TUBGCP5: variants seen among roughly 807,000 people sequenced by gnomAD.
The protein encoded by TUBGCP5 is gamma-tubulin complex component 5.
In TUBGCP5, 98 loss-of-function variants were observed where a neutral mutation model predicts 134.7. The observed-to-expected ratio is 0.73, with a 90% CI of 0.62 to 0.86. The LOEUF is 0.86. TUBGCP5 is among the 40% of genes least tolerant of loss of function. The probability of loss-of-function intolerance (pLI) is 0.00; values close to 1 mark genes in which losing one functional copy is unlikely to be tolerated. For missense variants in TUBGCP5, 1,150 were observed against 1,244.8 expected, an observed-to-expected ratio of 0.92 and a Z score of 1.15; for synonymous variants, 456 against 431.4, an observed-to-expected ratio of 1.06 and a Z score of -0.71.
intron 23 of TUBGCP5, among the ~76,000 whole-genome samples, chr15:22,990,473 A>T (rs2063813506): frequency 1.3e-5 from 2 of 152,236 alleles, no homozygotes; most frequent in Non-Finnish European, 2.9e-5. Context: ...CAGCAAGGAA[A>T]GGTGAGAAAG....
At chr15:23,039,118 T>G (rs2066765314) in intron 1 of TUBGCP5, among the ~76,000 whole-genome samples, 1 of 151,716 alleles carries the variant, frequency 6.6e-6, no homozygotes, top group African/African-American at 2.4e-5. Context: ...AGCGCTGGGG[T>G]TGCAGGCGCG....
At position 22,985,814 on chromosome 15, in the gene TUBGCP5, G is replaced by A. The variant is rs576435377; in HGVS notation, c.*62-2203C>T. Among the ~76,000 whole-genome samples, 403 of 151,532 alleles carry A rather than the reference G, an allele frequency of 2.7e-3. 2 individuals carry two copies. The highest frequency in any genetic ancestry group is 0.017 in the South Asian group (83 of 4,772). ...CCTGCCACTGCACTCCAGCCTGGGC[G>A]ACAGAGTGAGACTCCATCTCAAAAA... On this transcript the variant is annotated intron_variant and NMD_transcript_variant, in intron 23 of 23. Transcript: ENST00000614508.
At chr15:23,007,959 T>C (rs935081419) in intron 16 of TUBGCP5, among the ~76,000 whole-genome samples, 4 of 152,078 alleles carry the variant, frequency 2.6e-5, no homozygotes, top group Non-Finnish European at 4.4e-5. Flanking sequence ...AGGGGCATTC[T>C]CTAGGAGGCA....
Position 23,021,433 on chromosome 15 carries a change from C to T in TUBGCP5, c.1371+526G>A, listed in dbSNP as rs140451889. On this transcript the variant is annotated intron_variant, in intron 11 of 22. Coordinates refer to ENST00000615383, the MANE Select transcript of TUBGCP5 (RefSeq NM_052903.6). ...CTGGGCTCAATCAATCCTCCTGCCT[C>T]GGCCTCCCAAAGTGTTGGGATTACA... Among the ~76,000 whole-genome samples the T allele has an allele frequency of 1.0e-3, 156 of 152,308 alleles. 2 individuals are homozygous for T. In the East Asian group the frequency reaches 0.024, roughly 23 times the overall value.
At chr15:23,017,633 C>G (rs1048774369) in intron 13 of TUBGCP5, 140 bp downstream of exon 13, 1 of 814,206 alleles carries the variant, frequency 1.2e-6, no homozygotes, top group African/African-American at 1.7e-5. Context: ...GTTACTAATT[C>G]AACCATGACG....
In TUBGCP5 at chr15:23,039,457, G is replaced by T; in HGVS notation, c.87C>A (p.Leu29=). The T allele has an allele frequency of 6.5e-7, 1 of 1,548,458 alleles. No homozygotes were observed. Among genetic ancestry groups the T allele is most frequent in the Non-Finnish European group, 8.7e-7 (1 of 1,144,982 alleles). Residue 29 remains leucine, a synonymous_variant, in exon 1 of 23, where the codon CTC becomes CTA. Transcript: ENST00000615383. ...VRELVRGVAG[L]QDEADPNFQL... is the part of the protein sequence containing the mutation. ...GGAAGTTGGGGTCTGCCTCGTCCTG[G>T]AGGCCGGCGACACCCCGGACGAGCT...
chr15:23,027,794 C>T (rs2066064267), intron 6 of TUBGCP5, among the ~76,000 whole-genome samples: 1 of 149,984 alleles, frequency 6.7e-6, no homozygotes, highest in Non-Finnish European at 1.5e-5. Context: ...GAAACGCATA[C>T]TAAATTTAAT....
chr15:23,003,646 T>G (rs1279497546), intron 20 of TUBGCP5, among the ~76,000 whole-genome samples: 10 of 146,248 alleles, frequency 6.8e-5, no homozygotes, highest in African/African-American at 2.0e-4. Flanking sequence ...TTTTTTTTTT[T>G]TTTTTTTTTT....
chr15:22,984,315 A>G (rs562162564), intron 23 of TUBGCP5, among the ~76,000 whole-genome samples: 1 of 152,080 alleles, frequency 6.6e-6, no homozygotes, highest in Non-Finnish European at 1.5e-5. Context: ...AAGGACTTCC[A>G]TGGAGAAAGA....
chr15:23,008,024 C>T (rs1024879323), intron 16 of TUBGCP5, among the ~76,000 whole-genome samples: 4 of 152,126 alleles, frequency 2.6e-5, no homozygotes, highest in Admixed American at 2.6e-4. Context: ...TGACTCCAGC[C>T]ATGTGAAGGA....
intron 23 of TUBGCP5, among the ~76,000 whole-genome samples, chr15:22,991,639 T>G (rs2063849312): frequency 6.6e-6 from 1 of 152,198 alleles, no homozygotes; most frequent in Non-Finnish European, 1.5e-5. Context: ...CACTACTGCC[T>G]TCTTCTTGTC....
intron 23 of TUBGCP5, among the ~76,000 whole-genome samples, chr15:22,986,621 C>G (rs573570518): frequency 2.6e-5 from 4 of 151,936 alleles, no homozygotes; most frequent in African/African-American, 4.8e-5. Flanking sequence ...GCCTGTAATC[C>G]TAGCTACTCA....
chr15:23,019,893 A>T (rs893281824), intron 11 of TUBGCP5, among the ~76,000 whole-genome samples: 1 of 152,200 alleles, frequency 6.6e-6, no homozygotes, highest in Admixed American at 6.5e-5. Flanking sequence ...AGTGAAAGTG[A>T]CACAGAGGCA....
intron 5 of TUBGCP5, 105 bp from the exon 6 acceptor site, chr15:23,031,125 C>T (rs748492548): frequency 8.3e-7 from 1 of 1,205,964 alleles, no homozygotes; most frequent in African/African-American, 1.5e-5. Context: ...AACTTTGAAG[C>T]AACATGGAAC....
At chr15:23,011,597 C>T (rs1051772291) in intron 13 of TUBGCP5, among the ~76,000 whole-genome samples, 1 of 149,452 alleles carries the variant, frequency 6.7e-6, no homozygotes, top group Non-Finnish European at 1.5e-5. Context: ...CTCCGCCTCC[C>T]GGGTTCAAAC....
intron 23 of TUBGCP5, among the ~76,000 whole-genome samples, chr15:22,991,808 A>G (rs1026207543): frequency 6.6e-6 from 1 of 152,190 alleles, no homozygotes; most frequent in Non-Finnish European, 1.5e-5. Flanking sequence ...AAGGTTAGGG[A>G]AGTGTAACAA....
At chr15:23,027,007 G>A (rs1417045233) in intron 7 of TUBGCP5, among the ~76,000 whole-genome samples, 185 bp downstream of exon 7, 1 of 152,030 alleles carries the variant, frequency 6.6e-6, no homozygotes, top group African/African-American at 2.4e-5. Context: ...AGTGAGCTGA[G>A]ATCTGACCAC....
At chr15:23,016,201 C>G (rs2065304149) in intron 13 of TUBGCP5, among the ~76,000 whole-genome samples, 1 of 152,106 alleles carries the variant, frequency 6.6e-6, no homozygotes, top group African/African-American at 2.4e-5. Context: ...TGAAAGAATT[C>G]AATGAATGAG....
chr15:23,033,519 C>T (rs1273804771), intron 3 of TUBGCP5, among the ~76,000 whole-genome samples: 4 of 152,156 alleles, frequency 2.6e-5, no homozygotes, highest in African/African-American at 9.7e-5. Flanking sequence ...CCTCATGATC[C>T]GCCCACCTTG....
Sources: gnomAD v4.1 joint callset for allele counts (sites outside exome capture counted in the v4.1 genomes callset) on GRCh38, gnomAD v4.1.1 for gene constraint, MANE v1.5 for transcripts, NCBI Gene and HGNC (gene_info 2026-07-23, HGNC 2026-07-21) for gene names.